KCNH2: variants seen among roughly 807,000 people sequenced by gnomAD.
KCNH2 encodes voltage-gated inwardly rectifying potassium channel KCNH2.
In KCNH2, 35 loss-of-function variants were observed where a neutral mutation model predicts 95.9. The observed-to-expected ratio is 0.37, with a 90% CI of 0.28 to 0.48. The LOEUF (loss-of-function observed/expected upper bound fraction) is 0.48. KCNH2 is among the 20% of genes least tolerant of loss of function. The pLI, the probability that KCNH2 is intolerant of heterozygous loss-of-function variation, is 0.99. For missense variants in KCNH2, 1,274 were observed against 1,702.9 expected (o/e 0.75, Z 4.43); for synonymous variants, 786 against 754.7 (o/e 1.04, Z -0.68).
chr7:150,960,228 T>G (rs2117014579), intron 2 of KCNH2, among the ~76,000 whole-genome samples: 1 of 152,356 alleles, frequency 6.6e-6, no homozygotes, highest in African/African-American at 2.4e-5. Context: ...TTATTTAACA[T>G]CCTTGTGCCT....
At chr7:150,956,950 G>A (rs904751876) in intron 5 of KCNH2, among the ~76,000 whole-genome samples, 27 of 151,946 alleles carry the variant, frequency 1.8e-4, no homozygotes, top group African/African-American at 2.7e-4. Flanking sequence ...CCCTCAGGCC[G>A]CCTTCCCCCC....
chr7:150,957,510 G>A lies in KCNH2; in HGVS notation c.917-8C>T. The A allele has an allele frequency of 6.3e-7, 1 of 1,598,708 alleles. No homozygotes were observed. The highest frequency in any genetic ancestry group is 2.3e-5 in the East Asian group (1 of 44,332). ...GCAGTGGGTGCATGGCCCCTAGGTG[G>A]AGAGGCAGCGTGGTCAGGCCAGCAG... On this transcript the variant is annotated splice_region_variant and splice_polypyrimidine_tract_variant and intron_variant, in intron 4 of 14. Transcript: ENST00000262186.
In KCNH2 at chr7:150,957,460, G is replaced by C. The variant is rs199472886; in HGVS notation, c.959C>G (p.Ser320Trp). Reference protein sequence around the residue: ...PLRSGLLNSTSDSDLVRYRTI... With the variant: ...PLRSGLLNSTWDSDLVRYRTI... ...GCGGTAGCGCACGAGGTCGGAGTCC[G>C]AGGTGGAGTTGAGCAAGCCGCTGCG... Residue 320 changes from serine to tryptophan, a missense_variant, in exon 5 of 15, where the codon TCG (serine) becomes TGG (tryptophan). Ser to Trp is a radical substitution (Grantham distance 177). Around this residue, in one of 7 missense-constraint regions of KCNH2, gnomAD observed 392 missense variants for 429.9 expected, o/e 0.91. Coordinates refer to ENST00000262186, the MANE Select transcript of KCNH2 (RefSeq NM_000238.4). 12 of 1,614,112 alleles carry C rather than the reference G, an allele frequency of 7.4e-6. No individual in the cohort carries two copies. The highest frequency in any genetic ancestry group is 9.3e-6 in the Non-Finnish European group (11 of 1,180,030).
At position 150,946,410 on chromosome 7, in the gene KCNH2, G is replaced by A. The variant is rs575096550; in HGVS notation, c.3330+467C>T. On this transcript the variant is annotated intron_variant, in intron 14 of 14. Transcript: ENST00000262186. This position sits in a 1 kb window ranked among gnomAD's most constrained non-coding sequence, Gnocchi z 6.5. ...CCACTGCCAAGGGCAAGGATGGGCA[G>A]GACGGTGAGACCAGGGAGTGTCACT... 1.3e-5 allele frequency among the ~76,000 whole-genome samples: 2 copies of A among 152,338 alleles called. No homozygotes were observed. The highest frequency in any genetic ancestry group is 1.9e-4 in the East Asian group (1 of 5,184).
At position 150,947,736 on chromosome 7, in the gene KCNH2, G is replaced by GCC; in HGVS notation, c.2833_2834dup (p.Pro946AlafsTer29). 6.4e-7 allele frequency: 1 copy of GCC among 1,558,824 alleles called. No individual in the cohort carries two copies. Among genetic ancestry groups the GCC allele is most frequent in the Non-Finnish European group, 8.7e-7 (1 of 1,155,218 alleles). On this transcript the variant is annotated frameshift_variant, in exon 12 of 15. Transcript: ENST00000262186. LOFTEE classifies it high-confidence loss of function. The stretch of plus-strand genomic sequence containing the variant: ...GGAGGGGGCTGGAGCTGCGGCCTGG[G>GCC]CCCTCATCCTCACTGCTCTCAGGGC...
chr7:150,951,020 C>G lies in KCNH2; in HGVS notation c.2046G>C (p.Glu682Asp), dbSNP rs1338579153. 3 of 1,614,098 alleles carry G rather than the reference C, an allele frequency of 1.9e-6. No individual in the cohort carries two copies. Among genetic ancestry groups the G allele is most frequent in the South Asian group, 1.1e-5 (1 of 91,096 alleles). ...RYHTQMLRVR[E>D]FIRFHQIPNP... Reference sequence around the variant, plus strand: ...TGGGGATCTGGTGGAAGCGGATGAACTCCCGCACCCGCAGCATCTGTGTGT... The same window carrying G: ...TGGGGATCTGGTGGAAGCGGATGAAGTCCCGCACCCGCAGCATCTGTGTGT... The change falls in exon 8 of 15, where the codon GAG (glutamate) becomes GAC (aspartate). Residue 682 changes from glutamate (E) to aspartate (D), a missense_variant. Around this residue, in one of 7 missense-constraint regions of KCNH2, gnomAD observed 159 missense variants for 282.5 expected, o/e 0.56. Transcript: ENST00000262186.
rs1800857722 is a variant in KCNH2 at position 150,945,484 on chromosome 7, G to A, written c.3361C>T (p.Pro1121Ser). Residue 1121 changes from proline (P) to serine (S), a missense_variant, in exon 15 of 15, where the codon CCC (proline) becomes TCC (serine). Coordinates refer to ENST00000262186, the MANE Select transcript of KCNH2 (RefSeq NM_000238.4). The surrounding 1 kb of genome is among the most constrained non-coding windows in gnomAD (Gnocchi z 5.6). ...TGGGGAAGCTCTGGGGCCCCCGGGG[G>A]CAGCTCCTCACACGCCATGAACTGG... ...VSQFMACEEL[P>S]PGAPELPQEG... The A allele has an allele frequency of 6.4e-7, 1 of 1,560,096 alleles. No homozygotes were observed. Among genetic ancestry groups the A allele is most frequent in the Non-Finnish European group, 8.7e-7 (1 of 1,152,150 alleles).
At chr7:150,950,143 C>T in intron 9 of KCNH2, 25 bp downstream of exon 9, 2 of 1,587,764 alleles carry the variant, frequency 1.3e-6, no homozygotes, top group Non-Finnish European at 8.6e-7. Context: ...CATTTCCAGT[C>T]CAGTGCCCGC....
chr7:150,953,625 C>T (rs1054724099), intron 5 of KCNH2, among the ~76,000 whole-genome samples: 1 of 152,232 alleles, frequency 6.6e-6, no homozygotes, highest in Non-Finnish European at 1.5e-5. Flanking sequence ...AGTCATCAGA[C>T]AGAGGCAGGC....
intron 7 of KCNH2, 46 bp downstream of exon 7, chr7:150,951,402 C>A: frequency 6.2e-7 from 1 of 1,610,464 alleles, no homozygotes; most frequent in Non-Finnish European, 8.5e-7. Context: ...AACTTGGGTT[C>A]CTCCACCGTG....
chr7:150,945,165 T>C lies in KCNH2; in HGVS notation c.*200A>G, dbSNP rs1007176547. The C allele has an allele frequency of 1.9e-5, 12 of 630,630 alleles. No individual in the cohort carries two copies. The African/African-American group carries it at 2.2e-4, about 12-fold the overall frequency. The allele number at this position is 630,630 out of a possible 1,614,324, so 39.1% of individuals were successfully genotyped here. On this transcript the variant is annotated 3_prime_UTR_variant, in exon 15 of 15. Transcript: ENST00000262186. The surrounding 1 kb of genome is among the most constrained non-coding windows in gnomAD (Gnocchi z 5.6). ...TGGGGGGACCACAGGCCCCACCTAC[T>C]GCCGGCCCTGCCCCTGCCCCTCTCA...
intron 2 of KCNH2, among the ~76,000 whole-genome samples, chr7:150,967,428 A>G (rs900880378): frequency 2.6e-5 from 4 of 152,356 alleles, no homozygotes; most frequent in South Asian, 2.1e-4. Context: ...TTGTTAAGCT[A>G]TATCAATGCA....
In KCNH2 at chr7:150,957,501, C is replaced by T. The variant is rs761554886; in HGVS notation, c.918G>A (p.Gly306=). Residue 306 remains glycine, a splice_region_variant and synonymous_variant, in exon 5 of 15, where the codon GGG becomes GGA. Coordinates refer to ENST00000262186, the MANE Select transcript of KCNH2 (RefSeq NM_000238.4). The stretch of plus-strand genomic sequence containing the variant: ...AGCCGCTGCGCAGTGGGTGCATGGC[C>T]CCTAGGTGGAGAGGCAGCGTGGTCA... The part of the protein sequence containing the change: ...LPPPPRHAST[G]AMHPLRSGLL... 1.9e-5 allele frequency: 31 copies of T among 1,610,466 alleles called. No individual in the cohort carries two copies. In the South Asian group the frequency reaches 3.4e-4, roughly 18 times the overall value.
chr7:150,950,534 G>C, intron 8 of KCNH2, 114 bp from the exon 9 acceptor site: 1 of 1,374,706 alleles, frequency 7.3e-7, no homozygotes, highest in Non-Finnish European at 9.8e-7. Context: ...CCAGGCCTGG[G>C]AGATCTCGGA....
intron 1 of KCNH2, among the ~76,000 whole-genome samples, chr7:150,975,649 T>G (rs1488268895): frequency 6.6e-6 from 1 of 152,234 alleles, no homozygotes; most frequent in Non-Finnish European, 1.5e-5. Flanking sequence ...CCTCCTTTTA[T>G]AGATGAAGAA....
intron 8 of KCNH2, 145 bp downstream of exon 8, chr7:150,950,776 C>A: frequency 1.1e-6 from 1 of 889,422 alleles, no homozygotes; most frequent in South Asian, 1.4e-5. Flanking sequence ...TCCATTTCCT[C>A]ATGGGCAAAA....
chr7:150,957,725 G>T (rs1563168815), intron 4 of KCNH2, among the ~76,000 whole-genome samples: 2 of 152,200 alleles, frequency 1.3e-5, no homozygotes, highest in Admixed American at 1.3e-4. Context: ...AAGAGGAAAC[G>T]GTCTGCTCCA....
chr7:150,977,327 A>G (rs1259030552), intron 1 of KCNH2, among the ~76,000 whole-genome samples: 3 of 152,162 alleles, frequency 2.0e-5, no homozygotes, highest in Non-Finnish European at 4.4e-5. Flanking sequence ...ACATGGGCTC[A>G]GGGTTATATA....
rs747433742 is a variant in KCNH2, at chr7:150,977,946, A to G, written c.-33T>C. ...CCATGGGCGGGCCGGGCGGGCCCCC[A>G]CCCACCCCGGCCCGGCCCGGCCCAG... On this transcript the variant is annotated 5_prime_UTR_variant, in exon 1 of 15. Coordinates refer to ENST00000262186, the MANE Select transcript of KCNH2 (RefSeq NM_000238.4). 4.0e-5 allele frequency: 59 copies of G among 1,465,842 alleles called. No individual in the cohort carries two copies. The highest frequency in any genetic ancestry group is 5.3e-5 in the Non-Finnish European group (57 of 1,082,934). 90.8% of individuals were successfully genotyped at this position (1,465,842 alleles called of 1,614,324 possible).
Sources: allele counts gnomAD v4.1 joint callset (sites outside exome capture counted in the v4.1 genomes callset), GRCh38; gene constraint gnomAD v4.1.1; regional missense constraint gnomAD v4.1.1; non-coding constraint Gnocchi (gnomAD v3.1); transcripts MANE v1.5; gene names NCBI Gene and HGNC (gene_info 2026-07-23, HGNC 2026-07-21).